Variants in XKR3 observed in about 807,000 individuals in gnomAD.
XKR3 encodes XK-related protein 3.
XKR3 carries 27 observed loss-of-function variants against 40.3 expected under a neutral mutation model. The ratio of observed to expected loss-of-function variants is 0.67; its 90% CI spans 0.49 to 0.92. The LOEUF (loss-of-function observed/expected upper bound fraction) is 0.92, where lower values mean the gene tolerates loss of function less well. Among genes scored for constraint, XKR3 ranks in the 40% least tolerant of loss-of-function variants. XKR3 has a pLI of 0.00. For synonymous variants in XKR3, 193 were observed against 195.4 expected (o/e 0.99, Z 0.10); for missense variants, 472 against 537.6 (o/e 0.88, Z 1.21).
chr22:16,784,039 G>A lies in XKR3; in HGVS notation c.960C>T (p.Ser320=). 6.2e-7 allele frequency: 1 copy of A among 1,614,244 alleles called. No homozygotes were observed. The highest frequency in any genetic ancestry group is 1.3e-5 in the African/African-American group (1 of 75,058). ...ITLLYAAINF[S]CWSAVKLQLS... ...ACTGCAGTTTCACTGCTGACCAGCA[G>A]GAGAAGTTGATGGCAGCATATAGCA... The change falls in exon 4 of 4, where the codon TCC becomes TCT. Residue 320 remains serine (S), a synonymous_variant. Transcript: ENST00000684488.
At chr22:16,788,167 A>G (rs1237060583) in intron 3 of XKR3, among the ~76,000 whole-genome samples, 7 of 152,198 alleles carry the variant, frequency 4.6e-5, no homozygotes, top group African/African-American at 1.7e-4. Context: ...TAAGTACATG[A>G]AAATTAAATT....
chr22:16,798,305 T>C (rs905090319), intron 3 of XKR3, among the ~76,000 whole-genome samples: 1 of 151,948 alleles, frequency 6.6e-6, no homozygotes, highest in African/African-American at 2.4e-5. Flanking sequence ...ACTATTAAAA[T>C]GTCAGAAACC....
chr22:16,808,174 T>C, intron 1 of XKR3, 91 bp from the exon 2 acceptor site: 2 of 992,096 alleles, frequency 2.0e-6, no homozygotes, highest in South Asian at 4.1e-5. Context: ...TAATTCACTA[T>C]TCATAGAAAA....
intron 1 of XKR3, among the ~76,000 whole-genome samples, chr22:16,820,528 G>T (rs1401609646): frequency 6.6e-6 from 1 of 152,074 alleles, no homozygotes; most frequent in Admixed American, 6.6e-5. Flanking sequence ...CTTCTCAACT[G>T]GTCTCTGGAG....
chr22:16,786,252 G>A (rs1202477964), intron 3 of XKR3, among the ~76,000 whole-genome samples: 4 of 12,286 alleles, frequency 3.3e-4, no homozygotes, highest in Admixed American at 1.5e-3. Flanking sequence ...TCTACAAAAC[G>A]CGTGCACACA....
intron 3 of XKR3, among the ~76,000 whole-genome samples, chr22:16,791,778 G>GGAGAGAGAGAGAGA (rs763159994): frequency 8.1e-6 from 1 of 123,236 alleles, no homozygotes; most frequent in East Asian, 2.5e-4. Context: ...GGAGAGAGAG[G>GGAGAGAGAGAGAGA]GAGAGAGAGA....
intron 2 of XKR3, among the ~76,000 whole-genome samples, chr22:16,804,404 C>T (rs1422373884): frequency 1.3e-5 from 2 of 151,864 alleles, no homozygotes; most frequent in Non-Finnish European, 2.9e-5. Flanking sequence ...TACCCCAAAA[C>T]ATGTTTTTTT....
In XKR3 at chr22:16,825,389, AC is replaced by A. The variant is rs990220125; in HGVS notation, c.-110del. Among the ~76,000 whole-genome samples the A allele has an allele frequency of 1.4e-4, 22 of 152,330 alleles. No homozygotes were observed. The highest frequency in any genetic ancestry group is 5.3e-4 in the African/African-American group (22 of 41,578). On this transcript the variant is annotated 5_prime_UTR_variant, in exon 1 of 4. It adds an upstream start codon to the 5' untranslated region. Coordinates refer to ENST00000684488, the MANE Select transcript of XKR3 (RefSeq NM_001386955.1). The stretch of plus-strand genomic sequence containing the variant: ...CACCATTTCTGGTCTCGTTTTCAAC[AC>A]TACGTCCTTTGCTTTGCAGGTAAAA...
intron 2 of XKR3, among the ~76,000 whole-genome samples, chr22:16,801,621 C>G (rs924473836): frequency 1.3e-5 from 2 of 151,522 alleles, no homozygotes; most frequent in African/African-American, 2.4e-5. Context: ...ATGTTCAGAA[C>G]TACAAGTTGT....
chr22:16,794,829 G>A (rs1402410380), intron 3 of XKR3, among the ~76,000 whole-genome samples: 27 of 152,104 alleles, frequency 1.8e-4, no homozygotes, highest in African/African-American at 6.3e-4. Context: ...GTAAAGGAGC[G>A]GGTAAGATCC....
At chr22:16,818,316 C>T (rs1160561793) in intron 1 of XKR3, among the ~76,000 whole-genome samples, 4 of 152,156 alleles carry the variant, frequency 2.6e-5, no homozygotes, top group Non-Finnish European at 4.4e-5. Flanking sequence ...TGACAAGAAA[C>T]AAAGACAGAC....
At chr22:16,788,900 T>C (rs1323001609) in intron 3 of XKR3, among the ~76,000 whole-genome samples, 1 of 152,256 alleles carries the variant, frequency 6.6e-6, no homozygotes, top group East Asian at 1.9e-4. Context: ...ATCTAGGTGG[T>C]CATTTCAATA....
chr22:16,816,642 C>T (rs536995217), intron 1 of XKR3, among the ~76,000 whole-genome samples: 67 of 151,936 alleles, frequency 4.4e-4, no homozygotes, highest in African/African-American at 1.6e-3. Context: ...TTAATATTTG[C>T]TTAATCTTTG....
intron 3 of XKR3, among the ~76,000 whole-genome samples, chr22:16,785,735 A>G (rs2013205): frequency 6.6e-6 from 1 of 151,488 alleles, no homozygotes; most frequent in African/African-American, 2.4e-5. Context: ...ATAGACCCAG[A>G]TACTCGAGAG....
chr22:16,786,843 G>A (rs2060092788), intron 3 of XKR3, among the ~76,000 whole-genome samples: 1 of 152,122 alleles, frequency 6.6e-6, no homozygotes, highest in Non-Finnish European at 1.5e-5. Context: ...AGATAACAAT[G>A]CATAGTCACA....
chr22:16,796,819 A>G (rs1396134528), intron 3 of XKR3, among the ~76,000 whole-genome samples: 84 of 152,336 alleles, frequency 5.5e-4, no homozygotes, highest in African/African-American at 1.9e-3. Flanking sequence ...ATTCTATTCT[A>G]AATTTCATGT....
rs1237423973 is a variant in XKR3, at chr22:16,799,867, A to G, written c.493T>C (p.Tyr165His). 6.2e-7 allele frequency: 1 copy of G among 1,614,148 alleles called. No homozygotes were observed. The change falls in exon 3 of 4, where the codon TAC becomes CAC. Residue 165 changes from tyrosine (Y) to histidine (H), a missense_variant. Tyr to His is a moderately conservative substitution (Grantham distance 83, BLOSUM62 2). Coordinates refer to ENST00000684488, the MANE Select transcript of XKR3 (RefSeq NM_001386955.1). ...AGAAAAGCCTGAATCACTGACATGT[A>G]CTTGAAAGCCTTCTGCTGCATGAAA... ...DNFMQQKAFK[Y>H]MSVIQAFLGS...
At chr22:16,791,778 GGA>G (rs763159994) in intron 3 of XKR3, among the ~76,000 whole-genome samples, 171 of 123,200 alleles carry the variant, frequency 1.4e-3, no homozygotes, top group East Asian at 4.2e-3. Context: ...GGAGAGAGAG[GGA>G]GAGAGAGAGA....
chr22:16,817,515 A>G (rs570946873), intron 1 of XKR3, among the ~76,000 whole-genome samples: 3 of 152,270 alleles, frequency 2.0e-5, no homozygotes, highest in African/African-American at 7.2e-5. Context: ...TCTGTGGTCA[A>G]TGGCTTTCTA....
Sources: gnomAD v4.1 joint callset for allele counts (sites outside exome capture counted in the v4.1 genomes callset) on GRCh38, gnomAD v4.1.1 for gene constraint, MANE v1.5 for transcripts, NCBI Gene and HGNC (gene_info 2026-07-23, HGNC 2026-07-21) for gene names.